PRIM2: variants seen among roughly 807,000 people sequenced by gnomAD.
The protein encoded by PRIM2 is DNA primase subunit 2, also known as DNA primase large subunit.
In PRIM2, 39 loss-of-function variants were observed where a neutral mutation model predicts 67.3. The observed-to-expected ratio is 0.58, with a 90% CI of 0.45 to 0.76. PRIM2 has a LOEUF of 0.76. Among genes scored for constraint, PRIM2 ranks in the 30% least tolerant of loss-of-function variants. PRIM2 has a pLI of 0.00. For synonymous variants in PRIM2, 143 were observed against 198.7 expected (o/e 0.72, Z 2.36); for missense variants, 398 against 598.7 (o/e 0.66, Z 3.50).
At chr6:57,332,742 A>G (rs1332173239) in intron 5 of PRIM2, among the ~76,000 whole-genome samples, 39 of 151,722 alleles carry the variant, frequency 2.6e-4, no homozygotes, top group Non-Finnish European at 2.9e-5. Flanking sequence ...TTTTATTTTC[A>G]TCCTTTATGT....
In PRIM2 at chr6:57,538,176, G is replaced by T. The variant is rs1236364065; in HGVS notation, c.1020+551G>T. ...GCCACAGGTGGACACCATTATGCCT[G>T]GCTAATTTTTTTCTTTTTTTAATTT... On this transcript the variant is annotated intron_variant, in intron 10 of 13. Transcript: ENST00000615550. Among the ~76,000 whole-genome samples, 210 of 151,978 alleles carry T rather than the reference G, an allele frequency of 1.4e-3. 5 individuals carry two copies. The East Asian group carries it at 0.019, about 14-fold the overall frequency.
At chr6:57,250,841 C>T in the PRIM2 span, among the ~76,000 whole-genome samples, 1,535 of 152,278 alleles carry the variant, frequency 0.01, 6 homozygotes, top group Non-Finnish European at 0.015. Flanking sequence ...AACCCCAAAT[C>T]CTAAATGCTC....
chr6:57,232,208 G>A, the PRIM2 span, among the ~76,000 whole-genome samples: 2 of 152,196 alleles, frequency 1.3e-5, no homozygotes, highest in Non-Finnish European at 1.5e-5. Flanking sequence ...GAGTTTCAGA[G>A]CCACGTTGAT....
intron 5 of PRIM2, among the ~76,000 whole-genome samples, chr6:57,339,313 T>G (rs1394925967): frequency 6.6e-6 from 1 of 152,112 alleles, no homozygotes; most frequent in Non-Finnish European, 1.5e-5. Flanking sequence ...GCCATCCCCA[T>G]CAAGCTGCCA....
the PRIM2 span, among the ~76,000 whole-genome samples, chr6:57,229,549 GC>G: frequency 6.6e-6 from 1 of 151,206 alleles, no homozygotes; most frequent in Non-Finnish European, 1.5e-5. Flanking sequence ...GTGCAGTGGT[GC>G]GATCTTGGCT....
intron 7 of PRIM2, among the ~76,000 whole-genome samples, chr6:57,483,992 T>C (rs1446826681): frequency 2.0e-5 from 3 of 152,178 alleles, no homozygotes; most frequent in Non-Finnish European, 2.9e-5. Context: ...GGTCCTAAAA[T>C]GATTACGATA....
At chr6:57,471,194 G>A (rs1425518842) in intron 7 of PRIM2, among the ~76,000 whole-genome samples, 3 of 152,036 alleles carry the variant, frequency 2.0e-5, no homozygotes, top group Non-Finnish European at 4.4e-5. Context: ...AAGACTGTGA[G>A]CTGTGGTATG....
At chr6:57,636,532 A>T (rs1481504644) in intron 13 of PRIM2, among the ~76,000 whole-genome samples, 1 of 152,192 alleles carries the variant, frequency 6.6e-6, no homozygotes, top group Non-Finnish European at 1.5e-5. Flanking sequence ...CCTAGAAGAA[A>T]ATAGAATTCT....
chr6:57,305,689 T>C, the PRIM2 span, among the ~76,000 whole-genome samples: 1 of 152,214 alleles, frequency 6.6e-6, no homozygotes, highest in African/African-American at 2.4e-5. Context: ...TCAAATCAAT[T>C]CTTTCTTTTA....
At chr6:57,231,342 T>G in the PRIM2 span, among the ~76,000 whole-genome samples, 1 of 152,176 alleles carries the variant, frequency 6.6e-6, no homozygotes, top group Non-Finnish European at 1.5e-5. Context: ...GGGAAAGGGA[T>G]TACTTTATTC....
At chr6:57,645,321 TCACACACACACACACACACACACACACA>T (rs1189530732) in intron 13 of PRIM2, among the ~76,000 whole-genome samples, 7 of 132,776 alleles carry the variant, frequency 5.3e-5, no homozygotes, top group Non-Finnish European at 8.1e-5. Flanking sequence ...ACAATGTCAT[TCACACACACACACACACACACACACACA>T]CACACACACA....
chr6:57,373,686 C>T (rs1322545118), intron 5 of PRIM2, among the ~76,000 whole-genome samples: 1 of 152,132 alleles, frequency 6.6e-6, no homozygotes, highest in African/African-American at 2.4e-5. Context: ...TCTCACAGCA[C>T]CATTTATTAT....
rs543888836 is a variant in PRIM2, at chr6:57,342,312, A to G, written c.459+16267A>G. On this transcript the variant is annotated intron_variant, in intron 5 of 13. Coordinates refer to ENST00000615550, the MANE Select transcript of PRIM2 (RefSeq NM_000947.5). ...AATCTGAAATTTCTAAGGCGTTTCA[A>G]TGAGTAAATATTGCTGTCCATGGTG... Among the ~76,000 whole-genome samples, 29 of 152,340 alleles carry G rather than the reference A, an allele frequency of 1.9e-4. No homozygotes were observed. In the East Asian group the frequency reaches 4.1e-3, roughly 21 times the overall value.
chr6:57,291,376 G>T, the PRIM2 span, among the ~76,000 whole-genome samples: 2 of 152,112 alleles, frequency 1.3e-5, no homozygotes, highest in African/African-American at 2.4e-5. Context: ...ACCAAAAAAA[G>T]TCTAAGACCA....
chr6:57,255,810 T>C, the PRIM2 span, among the ~76,000 whole-genome samples: 11 of 152,206 alleles, frequency 7.2e-5, no homozygotes, highest in Non-Finnish European at 1.0e-4. Flanking sequence ...AAGACACTAC[T>C]AGACTTTTTT....
the PRIM2 span, among the ~76,000 whole-genome samples, chr6:57,287,569 T>C: frequency 1.3e-5 from 2 of 151,832 alleles, no homozygotes; most frequent in African/African-American, 4.8e-5. Context: ...TGAGAACACA[T>C]GGACACAGGG....
chr6:57,259,552 G>T, the PRIM2 span, among the ~76,000 whole-genome samples: 1 of 152,136 alleles, frequency 6.6e-6, no homozygotes, highest in Non-Finnish European at 1.5e-5. Context: ...TGATTAGGTT[G>T]TACTCAAATG....
In PRIM2 at chr6:57,456,872, TAG is replaced by T. The variant is rs1215721822; in HGVS notation, c.694-50512_694-50511del. Among the ~76,000 whole-genome samples, 69 of 152,340 alleles carry T rather than the reference TAG, an allele frequency of 4.5e-4. 1 individual carries two copies. Among genetic ancestry groups the T allele is most frequent in the African/African-American group, 1.5e-3 (63 of 41,576 alleles). ...GGAGGAGGAGAGGCACTCTGATTTTTAGAGTTTCCAGTTTTTCTGCTCTGTTT... is the reference window on the plus strand; with the variant it reads ...GGAGGAGGAGAGGCACTCTGATTTTTAGTTTCCAGTTTTTCTGCTCTGTTT... On this transcript the variant is annotated intron_variant, in intron 7 of 13. Coordinates refer to ENST00000615550, the MANE Select transcript of PRIM2 (RefSeq NM_000947.5).
chr6:57,617,260 G>A (rs1776772098), intron 12 of PRIM2, among the ~76,000 whole-genome samples: 1 of 152,156 alleles, frequency 6.6e-6, no homozygotes, highest in Non-Finnish European at 1.5e-5. Context: ...TTTGCTCTGT[G>A]CATTCTTTGT....
Sources: allele counts gnomAD v4.1 joint callset (sites outside exome capture counted in the v4.1 genomes callset), GRCh38; gene constraint gnomAD v4.1.1; transcripts MANE v1.5; gene names NCBI Gene and HGNC (gene_info 2026-07-23, HGNC 2026-07-21).